The following PLEKHG3 variants were observed in gnomAD, a reference collection of about 807,000 sequenced individuals.
PLEKHG3 encodes pleckstrin homology and RhoGEF domain containing G3, also known as pleckstrin homology domain-containing family G member 3.
A neutral mutation model predicts 94.9 loss-of-function variants in PLEKHG3; 62 were observed. The ratio of observed to expected loss-of-function variants is 0.65; its 90% CI spans 0.53 to 0.81. The LOEUF (loss-of-function observed/expected upper bound fraction) is 0.81. Among genes scored for constraint, PLEKHG3 ranks in the 30% least tolerant of loss-of-function variants. The pLI, the probability that PLEKHG3 is intolerant of heterozygous loss-of-function variation, is 0.00. For missense variants in PLEKHG3, 1,461 were observed against 1,619.3 expected, an observed-to-expected ratio of 0.90 and a Z score of 1.68; for synonymous variants, 614 against 654.0, an observed-to-expected ratio of 0.94 and a Z score of 0.93.
At position 64,749,600 on chromosome 14, in the gene PLEKHG3, GTCC is replaced by G; in HGVS notation, c.*5901_*5903del. On this transcript the variant is annotated 3_prime_UTR_variant, in exon 17 of 17. Coordinates refer to ENST00000247226, the MANE Select transcript of PLEKHG3 (RefSeq NM_001308147.2). This position sits in a 1 kb window ranked among gnomAD's most constrained non-coding sequence, Gnocchi z 4.7. ...GGGCCTCCAGGGCAAGCGGCCTGGG[GTCC>G]TCCACCTACCCCCTTCTTAGCCAGG... 6.2e-7 allele frequency: 1 copy of G among 1,611,258 alleles called. No homozygotes were observed. Among genetic ancestry groups the G allele is most frequent in the Non-Finnish European group, 8.5e-7 (1 of 1,179,622 alleles).
rs1026312183 is a variant in PLEKHG3, at chr14:64,727,086, A to C, written c.-39-507A>C. Among the ~76,000 whole-genome samples, 1 of 152,108 alleles carries C rather than the reference A, an allele frequency of 6.6e-6. No individual in the cohort carries two copies. Among genetic ancestry groups the C allele is most frequent in the African/African-American group, 2.4e-5 (1 of 41,392 alleles). ...CAGGCATCATGCTCAGAGCTTTACG[A>C]ACAGCAGGTGGCTTCATCTGGGAGG... On this transcript the variant is annotated intron_variant, in intron 1 of 16. Transcript: ENST00000247226. This position sits in a 1 kb window ranked among gnomAD's most constrained non-coding sequence, Gnocchi z 6.0.
In PLEKHG3 at chr14:64,741,755, C is replaced by G; in HGVS notation, c.2238C>G (p.Pro746=). 6.2e-7 allele frequency: 1 copy of G among 1,613,282 alleles called. No individual in the cohort carries two copies. The highest frequency in any genetic ancestry group is 8.5e-7 in the Non-Finnish European group (1 of 1,180,030). The change falls in exon 16 of 17, where the codon CCC becomes CCG. Residue 746 remains proline, a synonymous_variant. Transcript: ENST00000247226. ...GCCGGGAGAGCCTCTCCTACATCCC[C>G]AAAGGACTGGTAAGAAACTCCATCT... is the stretch of plus-strand genomic sequence containing the variant. The part of the protein sequence containing the change: ...VRRRESLSYI[P]KGLVRNSISR...
chr14:64,730,307 G>C lies in PLEKHG3; in HGVS notation c.514G>C (p.Glu172Gln). 3 of 1,530,936 alleles carry C rather than the reference G, an allele frequency of 2.0e-6. No homozygotes were observed. The highest frequency in any genetic ancestry group is 2.6e-6 in the Non-Finnish European group (3 of 1,142,172). The allele number at this position is 1,530,936 out of a possible 1,614,324, so 94.8% of individuals were successfully genotyped here. ...DPVAVASCFVERSQEFDIYTQ... is the reference protein window; with the variant it reads ...DPVAVASCFVQRSQEFDIYTQ... ...CGTGGCTGTGGCCAGCTGCTTTGTG[G>C]AAAGGGTAAGAAGGGCTGGGTCCTT... is the stretch of plus-strand genomic sequence containing the variant. The change falls in exon 4 of 17, where the codon GAA becomes CAA. Residue 172 changes from glutamate (E) to glutamine (Q), a missense_variant. Coordinates refer to ENST00000247226, the MANE Select transcript of PLEKHG3 (RefSeq NM_001308147.2). The surrounding 1 kb of genome is among the most constrained non-coding windows in gnomAD (Gnocchi z 5.4).
rs190868902 is a variant in PLEKHG3, at chr14:64,711,277, A to G, written c.-40+6573A>G. 2.6e-5 allele frequency among the ~76,000 whole-genome samples: 4 copies of G among 152,326 alleles called. No individual in the cohort carries two copies. The East Asian group carries it at 7.7e-4, about 29-fold the overall frequency. The stretch of plus-strand genomic sequence containing the variant: ...GCTGCTTTTTGGATGCCCTCTCTCT[A>G]CAGAGGTTCCAGCTGGCCAAAGTTT... On this transcript the variant is annotated intron_variant, in intron 1 of 16. Coordinates refer to ENST00000247226, the MANE Select transcript of PLEKHG3 (RefSeq NM_001308147.2).
Position 64,737,291 on chromosome 14 carries a change from T to C in PLEKHG3, c.1385-65T>C, listed in dbSNP as rs140133994. ...CAGAGGTCTTTTTCCTGCTTACTGA[T>C]CTCTTCCCCTCCCCTCCCCTGCCCC... On this transcript the variant is annotated intron_variant, in intron 13 of 16. Transcript: ENST00000247226. 4.1e-3 allele frequency: 5,327 copies of C among 1,284,874 alleles called. 41 individuals are homozygous for C. The highest frequency in any genetic ancestry group is 0.021 in the South Asian group (1,686 of 79,800). 79.6% of individuals were successfully genotyped at this position (1,284,874 alleles called of 1,614,324 possible).
At chr14:64,706,328 A>G (rs1499518) in intron 1 of PLEKHG3, among the ~76,000 whole-genome samples, 3,800 of 152,324 alleles carry the variant, frequency 0.025, 145 homozygotes, top group African/African-American at 0.086. Context: ...TTTCAGCCTT[A>G]GACCCTATTG....
At chr14:64,711,105 C>T (rs1374891184) in intron 1 of PLEKHG3, among the ~76,000 whole-genome samples, 1 of 152,120 alleles carries the variant, frequency 6.6e-6, no homozygotes, top group Non-Finnish European at 1.5e-5. Flanking sequence ...CTTCACCCAC[C>T]CCAGATGAGG....
At position 64,742,276 on chromosome 14, in the gene PLEKHG3, A is replaced by C. The variant is rs1195219844; in HGVS notation, c.2759A>C (p.Glu920Ala). 1.2e-6 allele frequency: 2 copies of C among 1,612,964 alleles called. No individual in the cohort carries two copies. Among genetic ancestry groups the C allele is most frequent in the South Asian group, 1.1e-5 (1 of 91,088 alleles). The stretch of plus-strand genomic sequence containing the variant: ...CACGTAATGGACAGCCACGTGAGCG[A>C]GCGCGTCAAGAACAAGGTCTACCAG... ...LSHVMDSHVS[E>A]RVKNKVYQLA... is the part of the protein sequence containing the mutation. Residue 920 changes from glutamate to alanine, a missense_variant, in exon 16 of 17, where the codon GAG becomes GCG. This residue lies in a region of PLEKHG3 where 1,201 missense variants were observed against 1,295.5 expected (regional missense o/e 0.93). Transcript: ENST00000247226.
Position 64,741,191 on chromosome 14 carries a change from T to G in PLEKHG3, c.1674T>G (p.Gly558=). ...GCCTTCTGGGGATGGACCCCCCAGG[T>G]GACATGGTGGACTTCGTGGCAGCTG... The part of the protein sequence containing the change: ...HQGLLGMDPP[G]DMVDFVAAES... Residue 558 remains glycine (G), a synonymous_variant, in exon 16 of 17, where the codon GGT becomes GGG. Transcript: ENST00000247226. 1 of 1,614,024 alleles carries G rather than the reference T, an allele frequency of 6.2e-7. No homozygotes were observed. Among genetic ancestry groups the G allele is most frequent in the African/African-American group, 1.3e-5 (1 of 75,024 alleles).
At chr14:64,711,131 G>A (rs1025315993) in intron 1 of PLEKHG3, among the ~76,000 whole-genome samples, 1 of 152,264 alleles carries the variant, frequency 6.6e-6, no homozygotes, top group East Asian at 1.9e-4. Flanking sequence ...AAGTCCCCAC[G>A]AGTTGGGTAA....
In PLEKHG3 at chr14:64,743,901, A is replaced by G. The variant is rs886974361; in HGVS notation, c.*198A>G. 1.3e-5 allele frequency: 7 copies of G among 519,380 alleles called. No homozygotes were observed. Among genetic ancestry groups the G allele is most frequent in the Non-Finnish European group, 2.3e-5 (7 of 304,198 alleles). The allele number at this position is 519,380 out of a possible 1,614,324, so 32.2% of individuals were successfully genotyped here. A position where few individuals can be genotyped will look rare whatever the true frequency, so the allele number is the denominator to read the frequency against. On this transcript the variant is annotated 3_prime_UTR_variant, in exon 17 of 17. Coordinates refer to ENST00000247226, the MANE Select transcript of PLEKHG3 (RefSeq NM_001308147.2). The surrounding 1 kb of genome is among the most constrained non-coding windows in gnomAD (Gnocchi z 7.2). ...GTGCCATCCACTGGGGCTCGAGACA[A>G]TTTCCCACTCACCTGTGAGGCCGGT... is the stretch of plus-strand genomic sequence containing the variant.
Position 64,718,156 on chromosome 14 carries a change from A to G in PLEKHG3, c.-39-9437A>G, listed in dbSNP as rs1196004249. Among the ~76,000 whole-genome samples, 1 of 152,206 alleles carries G rather than the reference A, an allele frequency of 6.6e-6. No individual in the cohort carries two copies. The highest frequency in any genetic ancestry group is 6.5e-5 in the Admixed American group (1 of 15,294). On this transcript the variant is annotated intron_variant, in intron 1 of 16. Coordinates refer to ENST00000247226, the MANE Select transcript of PLEKHG3 (RefSeq NM_001308147.2). The surrounding 1 kb of genome is among the most constrained non-coding windows in gnomAD (Gnocchi z 5.0). ...CTCCTAGAAAGCTTCCTGGTCCCCTAAGTAGCACTAGCTACTCCTTCTGTT... is the reference window on the plus strand; with the variant it reads ...CTCCTAGAAAGCTTCCTGGTCCCCTGAGTAGCACTAGCTACTCCTTCTGTT...
chr14:64,738,082 C>T lies in PLEKHG3; in HGVS notation c.1405-660C>T, dbSNP rs1448717248. On this transcript the variant is annotated intron_variant, in intron 14 of 16. Transcript: ENST00000247226. This position sits in a 1 kb window ranked among gnomAD's most constrained non-coding sequence, Gnocchi z 4.8. ...GAGAAGGGGGCTGGGCCGGAGCCCC[C>T]AGGCTCAGAGGAGGAGGAGGAGGAG... is the stretch of plus-strand genomic sequence containing the variant. 7.7e-7 allele frequency: 1 copy of T among 1,302,176 alleles called. No homozygotes were observed. The highest frequency in any genetic ancestry group is 2.2e-5 in the Admixed American group (1 of 44,906). The allele number at this position is 1,302,176 out of a possible 1,614,324, so 80.7% of individuals were successfully genotyped here.
Position 64,709,776 on chromosome 14 carries a change from A to G in PLEKHG3, c.-40+5072A>G, listed in dbSNP as rs572239736. On this transcript the variant is annotated intron_variant, in intron 1 of 16. Transcript: ENST00000247226. The stretch of plus-strand genomic sequence containing the variant: ...GTGTGTGTGTGTGTGTAGTATTAGA[A>G]AGGAACCAGTATTCTCATATAGCTT... Among the ~76,000 whole-genome samples the G allele has an allele frequency of 2.7e-5, 4 of 150,290 alleles. No individual in the cohort carries two copies. In the East Asian group the frequency reaches 7.8e-4, roughly 29 times the overall value.
At position 64,743,187 on chromosome 14, in the gene PLEKHG3, C is replaced by G. The variant is rs369471789; in HGVS notation, c.3144C>G (p.Pro1048=). ...GCCCCACAGAGACCTTCAGCTGGCC[C>G]GACGTCCGTGAGCTCTGCTCCAAGT... ...PLSPTETFSW[P]DVRELCSKYA... The change falls in exon 17 of 17, where the codon CCC becomes CCG. Residue 1048 remains proline (P), a synonymous_variant. Coordinates refer to ENST00000247226, the MANE Select transcript of PLEKHG3 (RefSeq NM_001308147.2). This position sits in a 1 kb window ranked among gnomAD's most constrained non-coding sequence, Gnocchi z 7.2. 7 of 1,610,338 alleles carry G rather than the reference C, an allele frequency of 4.3e-6. No homozygotes were observed. Among genetic ancestry groups the G allele is most frequent in the African/African-American group, 4.0e-5 (3 of 74,916 alleles).
intron 12 of PLEKHG3, among the ~76,000 whole-genome samples, chr14:64,734,056 G>C (rs1162536098): frequency 6.6e-6 from 1 of 152,186 alleles, no homozygotes; most frequent in Non-Finnish European, 1.5e-5. Context: ...GATGACCTGT[G>C]GGTCCCCTGA....
At position 64,716,496 on chromosome 14, in the gene PLEKHG3, A is replaced by ACAACACACACAC. The variant is rs1555359440; in HGVS notation, c.-39-11097_-39-11096insCAACACACACAC. Among the ~76,000 whole-genome samples, 3 of 79,544 alleles carry ACAACACACACAC rather than the reference A, an allele frequency of 3.8e-5. No individual in the cohort carries two copies. Among genetic ancestry groups the ACAACACACACAC allele is most frequent in the Non-Finnish European group, 4.9e-5 (2 of 41,148 alleles). 52.2% of individuals were successfully genotyped at this position (79,544 alleles called of 152,430 possible). A position where few individuals can be genotyped will look rare whatever the true frequency, so the allele number is the denominator to read the frequency against. The stretch of plus-strand genomic sequence containing the variant: ...ACACACACACAACACACACACACAC[A>ACAACACACACAC]ACACACACACACACACACACACACA... On this transcript the variant is annotated intron_variant, in intron 1 of 16. Transcript: ENST00000247226. The surrounding 1 kb of genome is among the most constrained non-coding windows in gnomAD (Gnocchi z 5.0).
In PLEKHG3 at chr14:64,716,455, CACACACACACA is replaced by C. The variant is rs1340895073; in HGVS notation, c.-39-11126_-39-11116del. Among the ~76,000 whole-genome samples the C allele has an allele frequency of 4.6e-3, 629 of 137,730 alleles. 3 individuals carry two copies. Among genetic ancestry groups the C allele is most frequent in the African/African-American group, 9.2e-3 (325 of 35,208 alleles). The allele number at this position is 137,730 out of a possible 152,430, so 90.4% of individuals were successfully genotyped here. ...GGCCCTACACACACACACACACACA[CACACACACACA>C]ACACACACACACACAACACACACAC... On this transcript the variant is annotated intron_variant, in intron 1 of 16. Transcript: ENST00000247226. This position sits in a 1 kb window ranked among gnomAD's most constrained non-coding sequence, Gnocchi z 5.0.
rs1234785008 is a variant in PLEKHG3 at position 64,718,454 on chromosome 14, C to A, written c.-39-9139C>A. Among the ~76,000 whole-genome samples the A allele has an allele frequency of 2.6e-5, 4 of 152,184 alleles. No individual in the cohort carries two copies. On this transcript the variant is annotated intron_variant, in intron 1 of 16. Coordinates refer to ENST00000247226, the MANE Select transcript of PLEKHG3 (RefSeq NM_001308147.2). The surrounding 1 kb of genome is among the most constrained non-coding windows in gnomAD (Gnocchi z 5.0). ...TGCCTTGTCTTGTTTTGCCTTATAG[C>A]ATATAAGCTCTGAAGAGTGGAGTCT...
Sources: allele counts gnomAD v4.1 joint callset (sites outside exome capture counted in the v4.1 genomes callset), GRCh38; gene constraint gnomAD v4.1.1; regional missense constraint gnomAD v4.1.1; non-coding constraint Gnocchi (gnomAD v3.1); transcripts MANE v1.5; gene names NCBI Gene and HGNC (gene_info 2026-07-23, HGNC 2026-07-21).